Variants in PSMD12 observed in about 807,000 individuals in gnomAD.
The protein encoded by PSMD12 is 26S proteasome non-ATPase regulatory subunit 12.
A neutral mutation model predicts 62.9 loss-of-function variants in PSMD12; 8 were observed. That is an observed-to-expected ratio of 0.13 (90% CI 0.07 to 0.23). The LOEUF (loss-of-function observed/expected upper bound fraction) is 0.23. Ranked by LOEUF, PSMD12 falls within the 10% of genes least tolerant of loss-of-function variation. The pLI, the probability that PSMD12 is intolerant of heterozygous loss-of-function variation, is 1.00. For synonymous variants in PSMD12, 173 were observed against 187.4 expected (o/e 0.92, Z 0.63); for missense variants, 424 against 550.2 (o/e 0.77, Z 2.29).
intron 10 of PSMD12, 85 bp downstream of exon 10, chr17:67,342,101 A>C: frequency 9.6e-7 from 1 of 1,044,128 alleles, no homozygotes; most frequent in Non-Finnish European, 1.4e-6. Context: ...AAATTAAATC[A>C]TAACATTGAT....
chr17:67,350,926 T>C (rs1043195468), intron 3 of PSMD12, among the ~76,000 whole-genome samples: 1 of 152,178 alleles, frequency 6.6e-6, no homozygotes, highest in Non-Finnish European at 1.5e-5. Flanking sequence ...TTAGACTTTG[T>C]GGGCCAGTCT....
chr17:67,363,964 G>A (rs1205929527), intron 1 of PSMD12, among the ~76,000 whole-genome samples: 2 of 152,058 alleles, frequency 1.3e-5, no homozygotes, highest in Non-Finnish European at 2.9e-5. Flanking sequence ...CACGAGAATC[G>A]CTTGAAACCG....
intron 7 of PSMD12, 73 bp from the exon 8 acceptor site, chr17:67,345,930 T>C: frequency 1.5e-6 from 2 of 1,346,152 alleles, no homozygotes; most frequent in Non-Finnish European, 2.1e-6. Context: ...TGAACAATCA[T>C]GGAATAACTA....
intron 1 of PSMD12, among the ~76,000 whole-genome samples, chr17:67,360,870 G>A (rs1366676954): frequency 2.0e-5 from 3 of 152,318 alleles, no homozygotes; most frequent in South Asian, 2.1e-4. Flanking sequence ...AAACTATACC[G>A]TTGACAATTT....
rs150026059 is a variant in PSMD12, at chr17:67,358,246, T to C, written c.109-668A>G. ...TGGATCCTGTTCTGATCAGAGACTCTAAGTGGTAGTCACATGTGTCTTTAA... is the reference window on the plus strand; with the variant it reads ...TGGATCCTGTTCTGATCAGAGACTCCAAGTGGTAGTCACATGTGTCTTTAA... On this transcript the variant is annotated intron_variant, in intron 1 of 10. Coordinates refer to ENST00000356126, the MANE Select transcript of PSMD12 (RefSeq NM_002816.5). Among the ~76,000 whole-genome samples, 220 of 152,154 alleles carry C rather than the reference T, an allele frequency of 1.4e-3. 1 individual carries two copies. Among genetic ancestry groups the C allele is most frequent in the African/African-American group, 5.0e-3 (209 of 41,522 alleles).
At position 67,350,247 on chromosome 17, in the gene PSMD12, T is replaced by G. The variant is rs1321387901; in HGVS notation, c.387A>C (p.Arg129=). 3 of 1,611,392 alleles carry G rather than the reference T, an allele frequency of 1.9e-6. No homozygotes were observed. Among genetic ancestry groups the G allele is most frequent in the Non-Finnish European group, 2.5e-6 (3 of 1,178,542 alleles). Residue 129 remains arginine, a synonymous_variant, in exon 4 of 11, where the codon CGA becomes CGC. Coordinates refer to ENST00000356126, the MANE Select transcript of PSMD12 (RefSeq NM_002816.5). ...AATTTACCTTGCCTTCGGTAACCAT[T>G]CGTAGAGTATCAATTAATCGAAGTT... ...PIKLRLIDTL[R]MVTEGKIYVE...
rs75783193 is a variant in PSMD12, at chr17:67,353,664, C to T, written c.298-3328G>A. Among the ~76,000 whole-genome samples, 124 of 152,116 alleles carry T rather than the reference C, an allele frequency of 8.2e-4. 1 individual carries two copies. The highest frequency in any genetic ancestry group is 8.1e-3 in the East Asian group (42 of 5,188). On this transcript the variant is annotated intron_variant, in intron 3 of 10. Transcript: ENST00000356126. ...GTCTGCTTAAGCAAAAAATAAATTTCGTAGGTAAAAAATAATTATGAGAAA... is the reference window on the plus strand; with the variant it reads ...GTCTGCTTAAGCAAAAAATAAATTTTGTAGGTAAAAAATAATTATGAGAAA...
At chr17:67,353,139 C>G (rs1418818202) in intron 3 of PSMD12, among the ~76,000 whole-genome samples, 1 of 152,090 alleles carries the variant, frequency 6.6e-6, no homozygotes, top group East Asian at 1.9e-4. Context: ...TAAAAAAATT[C>G]TAATAATAAG....
intron 1 of PSMD12, chr17:67,361,246 T>C (rs1000882202): frequency 6.6e-6 from 1 of 152,244 alleles, no homozygotes; most frequent in Non-Finnish European, 1.5e-5. Context: ...AATCTTTCAA[T>C]GATTTGTTAC....
At position 67,356,725 on chromosome 17, in the gene PSMD12, G is replaced by C. The variant is rs569069024; in HGVS notation, c.297+578C>G. ...AACAAAACCATTTAAAATAATAAAA[G>C]TGGGGCTAGGCACAGGGACTCATGC... On this transcript the variant is annotated intron_variant, in intron 3 of 10. Coordinates refer to ENST00000356126, the MANE Select transcript of PSMD12 (RefSeq NM_002816.5). Among the ~76,000 whole-genome samples the C allele has an allele frequency of 2.6e-5, 4 of 152,072 alleles. No individual in the cohort carries two copies. The South Asian group carries it at 8.3e-4, about 32-fold the overall frequency.
In PSMD12 at chr17:67,340,220, A is replaced by G. The variant is rs143745441; in HGVS notation, c.*623T>C. On this transcript the variant is annotated 3_prime_UTR_variant, in exon 11 of 11. Coordinates refer to ENST00000356126, the MANE Select transcript of PSMD12 (RefSeq NM_002816.5). ...AGTGAGAGGATGAGGGCTGAAAGCA[A>G]TCAAGCTACTGTGATTGGAACCAGC... 1.6e-4 allele frequency: 24 copies of G among 150,964 alleles called. No homozygotes were observed. The highest frequency in any genetic ancestry group is 5.8e-4 in the African/African-American group (24 of 41,072). The allele number at this position is 150,964 out of a possible 1,614,324, so 9.4% of individuals were successfully genotyped here. A position where few individuals can be genotyped will look rare whatever the true frequency, so the allele number is the denominator to read the frequency against.
At chr17:67,353,370 G>A (rs543321356) in intron 3 of PSMD12, among the ~76,000 whole-genome samples, 2 of 149,760 alleles carry the variant, frequency 1.3e-5, no homozygotes, top group South Asian at 2.2e-4. Flanking sequence ...GCTAGAGTGC[G>A]ATCTTGGCTC....
chr17:67,353,664 C>A (rs75783193), intron 3 of PSMD12, among the ~76,000 whole-genome samples: 2 of 151,996 alleles, frequency 1.3e-5, no homozygotes, highest in Non-Finnish European at 2.9e-5. Context: ...AAATAAATTT[C>A]GTAGGTAAAA....
intron 7 of PSMD12, among the ~76,000 whole-genome samples, chr17:67,346,190 C>T (rs1008036292): frequency 6.6e-6 from 1 of 151,876 alleles, no homozygotes; most frequent in Admixed American, 6.6e-5. Flanking sequence ...GTCAGGAGAT[C>T]GAGACCATCC....
In PSMD12 at chr17:67,344,587, C is replaced by T. The variant is rs762101767; in HGVS notation, c.1083+19G>A. 6.4e-7 allele frequency: 1 copy of T among 1,563,992 alleles called. No individual in the cohort carries two copies. The highest frequency in any genetic ancestry group is 1.2e-5 in the South Asian group (1 of 84,694). On this transcript the variant is annotated intron_variant, in intron 9 of 10. Coordinates refer to ENST00000356126, the MANE Select transcript of PSMD12 (RefSeq NM_002816.5). ...TAAAGGTTAAAATAAAAATTGTCAT[C>T]TCTATGACAGATTCTTACATGTTCA...
intron 1 of PSMD12, among the ~76,000 whole-genome samples, chr17:67,360,268 T>C (rs2042117171): frequency 6.6e-6 from 1 of 152,260 alleles, no homozygotes; most frequent in Non-Finnish European, 1.5e-5. Flanking sequence ...TGGTTTAATA[T>C]ATGGTATTCT....
intron 7 of PSMD12, among the ~76,000 whole-genome samples, chr17:67,346,913 A>T (rs2041972371): frequency 6.6e-6 from 1 of 152,248 alleles, no homozygotes; most frequent in African/African-American, 2.4e-5. Context: ...TTTAAACAGG[A>T]ATCCTACATT....
chr17:67,360,902 C>T (rs1474414269), intron 1 of PSMD12, among the ~76,000 whole-genome samples: 1 of 152,182 alleles, frequency 6.6e-6, no homozygotes, highest in Admixed American at 6.5e-5. Flanking sequence ...AAGGACACTA[C>T]CATCATTTCA....
chr17:67,341,197 G>GAGCCACCACACCCA, intron 10 of PSMD12, 145 bp from the exon 11 acceptor site: 1 of 642,034 alleles, frequency 1.6e-6, no homozygotes, highest in Non-Finnish European at 2.5e-6. Flanking sequence ...AGCTGGGTGT[G>GAGCCACCACACCCA]GTGGCTCACA....
Sources: gnomAD v4.1 joint callset for allele counts (sites outside exome capture counted in the v4.1 genomes callset) on GRCh38, gnomAD v4.1.1 for gene constraint, MANE v1.5 for transcripts, NCBI Gene and HGNC (gene_info 2026-07-23, HGNC 2026-07-21) for gene names.